NKAIN2: variants seen among roughly 807,000 people sequenced by gnomAD.
NKAIN2 encodes sodium/potassium transporting ATPase interacting 2, also known as sodium/potassium-transporting ATPase subunit beta-1-interacting protein 2.
In NKAIN2, 14 loss-of-function variants were observed where a neutral mutation model predicts 32.6. The observed-to-expected ratio is 0.43, with a 90% CI of 0.28 to 0.67. The LOEUF is 0.67. NKAIN2 is among the 30% of genes least tolerant of loss of function. The pLI, the probability that NKAIN2 is intolerant of heterozygous loss-of-function variation, is 0.17. For synonymous variants in NKAIN2, 80 were observed against 87.2 expected (o/e 0.92, Z 0.46); for missense variants, 198 against 258.3 (o/e 0.77, Z 1.60).
intron 1 of NKAIN2, among the ~76,000 whole-genome samples, chr6:123,849,492 G>A (rs745602741): frequency 1.3e-5 from 2 of 152,128 alleles, no homozygotes; most frequent in Non-Finnish European, 2.9e-5. Flanking sequence ...TAGGAAGCCA[G>A]GGGGATAGAG....
intron 1 of NKAIN2, among the ~76,000 whole-genome samples, chr6:123,861,930 A>C (rs1582669454): frequency 6.6e-6 from 1 of 152,226 alleles, no homozygotes; most frequent in South Asian, 2.1e-4. Flanking sequence ...TAAGGTTAAT[A>C]GATTAAACAT....
chr6:124,069,173 T>C lies in NKAIN2; in HGVS notation c.55-213832T>C, dbSNP rs1312720230. Among the ~76,000 whole-genome samples the C allele has an allele frequency of 2.0e-5, 3 of 152,188 alleles. No individual in the cohort carries two copies. In the East Asian group the frequency reaches 5.8e-4, roughly 29 times the overall value. ...TCATGTTTCTGTATTTTACTTCATA[T>C]GGCATTTCATCTTTATCACTCAGGT... On this transcript the variant is annotated intron_variant, in intron 1 of 6. Transcript: ENST00000368417.
chr6:124,696,771 T>TA (rs1774519004), intron 4 of NKAIN2, among the ~76,000 whole-genome samples: 1 of 150,622 alleles, frequency 6.6e-6, no homozygotes, highest in Non-Finnish European at 1.5e-5. Flanking sequence ...AGGATCTATT[T>TA]TTTTTTTTTT....
chr6:124,252,107 C>T (rs952752310), intron 1 of NKAIN2, among the ~76,000 whole-genome samples: 1 of 151,934 alleles, frequency 6.6e-6, no homozygotes, highest in South Asian at 2.1e-4. Flanking sequence ...TTTGCAACAG[C>T]ATGTGTGCAG....
rs186585389 is a variant in NKAIN2, at chr6:123,883,221, T to C, written c.54+78967T>C. On this transcript the variant is annotated intron_variant, in intron 1 of 6. Transcript: ENST00000368417. ...GTACAGTGGCGTGAACTCGGCTCAC[T>C]GCAAGCTCCGCCTCCTGGGTTCATG... Among the ~76,000 whole-genome samples, 23 of 152,214 alleles carry C rather than the reference T, an allele frequency of 1.5e-4. No homozygotes were observed. In the East Asian group the frequency reaches 4.3e-3, roughly 28 times the overall value.
chr6:124,132,902 A>AG (rs1786548952), intron 1 of NKAIN2, among the ~76,000 whole-genome samples: 2 of 152,198 alleles, frequency 1.3e-5, no homozygotes, highest in Non-Finnish European at 2.9e-5. Flanking sequence ...CTCTAGGGGA[A>AG]GGGGGAGAGC....
intron 2 of NKAIN2, among the ~76,000 whole-genome samples, chr6:124,348,521 A>G (rs1441067669): frequency 6.6e-6 from 1 of 152,186 alleles, no homozygotes; most frequent in African/African-American, 2.4e-5. Context: ...TGTTTACCTA[A>G]TCAAGCCTGG....
chr6:124,130,634 T>G (rs2115005212), intron 1 of NKAIN2, among the ~76,000 whole-genome samples: 1 of 151,712 alleles, frequency 6.6e-6, no homozygotes, highest in South Asian at 2.1e-4. Context: ...TTTGGTAGAA[T>G]GTTAATCTTT....
chr6:124,245,198 T>C lies in NKAIN2; in HGVS notation c.55-37807T>C, dbSNP rs571943011. 3.9e-5 allele frequency among the ~76,000 whole-genome samples: 6 copies of C among 152,250 alleles called. No homozygotes were observed. The South Asian group carries it at 1.0e-3, about 26-fold the overall frequency. ...TGTTCTCCATATCTCTTAAACCAGA[T>C]AGTATTTTGAGAGACATTTAATCCA... On this transcript the variant is annotated intron_variant, in intron 1 of 6. Coordinates refer to ENST00000368417, the MANE Select transcript of NKAIN2 (RefSeq NM_001040214.3).
chr6:124,342,226 C>T (rs1236628128), intron 2 of NKAIN2, among the ~76,000 whole-genome samples: 1 of 151,006 alleles, frequency 6.6e-6, no homozygotes, highest in East Asian at 2.0e-4. Flanking sequence ...ATGGTGAAAC[C>T]CCGTGTCTAC....
chr6:124,219,283 CTTT>C (rs5879720), intron 1 of NKAIN2, among the ~76,000 whole-genome samples: 1 of 128,934 alleles, frequency 7.8e-6, no homozygotes. Flanking sequence ...TTCTTTTTTT[CTTT>C]TTTTTTTTTG....
intron 1 of NKAIN2, among the ~76,000 whole-genome samples, chr6:123,846,844 G>GCACACACACA (rs34106417): frequency 6.6e-6 from 1 of 150,622 alleles, no homozygotes; most frequent in African/African-American, 2.4e-5. Flanking sequence ...ACGCACGCGC[G>GCACACACACA]CACACACACA....
chr6:124,617,751 C>T (rs900162464), intron 3 of NKAIN2, among the ~76,000 whole-genome samples: 24 of 152,178 alleles, frequency 1.6e-4, no homozygotes, highest in African/African-American at 5.8e-4. Context: ...CAAATAGTTA[C>T]TACCATAGCT....
chr6:124,336,818 C>T (rs1797893328), intron 2 of NKAIN2, among the ~76,000 whole-genome samples: 2 of 151,724 alleles, frequency 1.3e-5, no homozygotes, highest in South Asian at 2.1e-4. Context: ...GGACTACAGG[C>T]ATGCACCCCA....
At chr6:124,800,348 A>C (rs529153139) in intron 5 of NKAIN2, among the ~76,000 whole-genome samples, 21 of 152,250 alleles carry the variant, frequency 1.4e-4, no homozygotes, top group Non-Finnish European at 2.6e-4. Context: ...AGCAGCCTAC[A>C]CCTAGCTACT....
chr6:124,711,639 G>A lies in NKAIN2; in HGVS notation c.474+53253G>A, dbSNP rs969094697. On this transcript the variant is annotated intron_variant, in intron 4 of 6. Coordinates refer to ENST00000368417, the MANE Select transcript of NKAIN2 (RefSeq NM_001040214.3). ...CTCCTGAGGCTTCTGCATTCTTCAC[G>A]TAGTTCTCGAGCCTTGGTTTTCAGC... is the stretch of plus-strand genomic sequence containing the variant. 1.7e-3 allele frequency among the ~76,000 whole-genome samples: 257 copies of A among 150,452 alleles called. 3 individuals carry two copies. The East Asian group carries it at 0.04, about 24-fold the overall frequency.
chr6:124,152,943 T>TA (rs377040434), intron 1 of NKAIN2, among the ~76,000 whole-genome samples: 3 of 151,618 alleles, frequency 2.0e-5, no homozygotes, highest in African/African-American at 4.8e-5. Context: ...AAATGGGAGC[T>TA]AAAAAAAAGT....
intron 1 of NKAIN2, among the ~76,000 whole-genome samples, chr6:123,855,632 T>C (rs1187252665): frequency 6.6e-6 from 1 of 152,192 alleles, no homozygotes; most frequent in Non-Finnish European, 1.5e-5. Flanking sequence ...CAGCCACCCT[T>C]ATGTGCTGCA....
At position 124,254,077 on chromosome 6, in the gene NKAIN2, A is replaced by G. The variant is rs181912568; in HGVS notation, c.55-28928A>G. Among the ~76,000 whole-genome samples the G allele has an allele frequency of 7.4e-4, 112 of 151,996 alleles. 1 individual carries two copies. Among genetic ancestry groups the G allele is most frequent in the African/African-American group, 2.6e-3 (106 of 41,458 alleles). On this transcript the variant is annotated intron_variant, in intron 1 of 6. Coordinates refer to ENST00000368417, the MANE Select transcript of NKAIN2 (RefSeq NM_001040214.3). ...TGATCCGCCCGCCTCGGCCTCCCAA[A>G]GTACTGTGGGGATTACAGGCGTGAG... is the stretch of plus-strand genomic sequence containing the variant.
Sources: allele counts gnomAD v4.1 joint callset (sites outside exome capture counted in the v4.1 genomes callset), GRCh38; gene constraint gnomAD v4.1.1; transcripts MANE v1.5; gene names NCBI Gene and HGNC (gene_info 2026-07-23, HGNC 2026-07-21).